PTPRN2: variants seen among roughly 807,000 people sequenced by gnomAD.
The protein encoded by PTPRN2 is protein tyrosine phosphatase receptor type N2.
A neutral mutation model predicts 118.8 loss-of-function variants in PTPRN2; 74 were observed. The ratio of observed to expected loss-of-function variants is 0.62; its 90% CI spans 0.52 to 0.76. The LOEUF is 0.76. Ranked by LOEUF, PTPRN2 falls within the 30% of genes least tolerant of loss-of-function variation. The pLI is 0.00. For missense variants in PTPRN2, 1,481 were observed against 1,394.4 expected, an observed-to-expected ratio of 1.06 and a Z score of -0.99; for synonymous variants, 641 against 608.0, an observed-to-expected ratio of 1.05 and a Z score of -0.80.
Position 157,642,837 on chromosome 7 carries a change from AAAAAAAAG to A in PTPRN2, c.2196+13512_2196+13519del, listed in dbSNP as rs1378106995. Among the ~76,000 whole-genome samples, 67 of 147,512 alleles carry A rather than the reference AAAAAAAAG, an allele frequency of 4.5e-4. No individual in the cohort carries two copies. The East Asian group carries it at 0.011, about 24-fold the overall frequency. ...AGCAAAAAAAAAAAAAAAAAAAAAA[AAAAAAAAG>A]CAGCTAAAACGCAGGGCTGCGGGAC... On this transcript the variant is annotated intron_variant, in intron 14 of 22. Transcript: ENST00000389418.
intron 12 of PTPRN2, among the ~76,000 whole-genome samples, chr7:157,761,990 A>G (rs1056278032): frequency 4.6e-5 from 7 of 152,242 alleles, no homozygotes; most frequent in African/African-American, 1.7e-4. Flanking sequence ...AACACATGAA[A>G]AAAGGCTCAT....
chr7:158,327,346 C>G (rs1486650977), intron 2 of PTPRN2, among the ~76,000 whole-genome samples: 1 of 150,298 alleles, frequency 6.7e-6, no homozygotes, highest in Non-Finnish European at 1.5e-5. Context: ...CTCACACATG[C>G]TCACACATGT....
chr7:158,365,899 G>GCA (rs140043303), intron 2 of PTPRN2, among the ~76,000 whole-genome samples: 2,459 of 108,442 alleles, frequency 0.023, 50 homozygotes, highest in African/African-American at 0.038. Context: ...ATGCACGCGT[G>GCA]CACACACACA....
At chr7:157,559,814 G>T (rs1585031386) in intron 21 of PTPRN2, among the ~76,000 whole-genome samples, 1 of 152,126 alleles carries the variant, frequency 6.6e-6, no homozygotes. Context: ...CAGCTGCCCC[G>T]ACAGGGCTGT....
chr7:157,667,435 C>T (rs1343986318), intron 13 of PTPRN2, among the ~76,000 whole-genome samples: 1 of 152,244 alleles, frequency 6.6e-6, no homozygotes, highest in Admixed American at 6.5e-5. Context: ...TGGGCATCCC[C>T]CTGCCAGTGC....
intron 10 of PTPRN2, among the ~76,000 whole-genome samples, chr7:158,106,195 T>A (rs1563442261): frequency 1.3e-5 from 2 of 151,706 alleles, no homozygotes; most frequent in South Asian, 4.2e-4. Flanking sequence ...CTATCTTAGC[T>A]CTATCCCAGT....
chr7:158,174,478 C>T (rs1207987460), intron 5 of PTPRN2, among the ~76,000 whole-genome samples: 1 of 151,214 alleles, frequency 6.6e-6, no homozygotes, highest in Admixed American at 6.6e-5. Context: ...CAGCTTCCCA[C>T]CATCATCATC....
chr7:158,301,874 C>T (rs1800915234), intron 3 of PTPRN2, among the ~76,000 whole-genome samples: 1 of 152,054 alleles, frequency 6.6e-6, no homozygotes, highest in Non-Finnish European at 1.5e-5. Flanking sequence ...CACTTGAGTC[C>T]AGGAGGCAGA....
intron 12 of PTPRN2, among the ~76,000 whole-genome samples, chr7:157,730,117 C>T (rs1355315119): frequency 6.6e-6 from 1 of 152,100 alleles, no homozygotes; most frequent in Non-Finnish European, 1.5e-5. Flanking sequence ...CAAGTAGGGA[C>T]AGAGCCTGGC....
In PTPRN2 at chr7:158,580,520, C is replaced by T. The variant is rs561968877; in HGVS notation, c.112+7038G>A. On this transcript the variant is annotated intron_variant, in intron 1 of 22. Coordinates refer to ENST00000389418, the MANE Select transcript of PTPRN2 (RefSeq NM_002847.5). ...GAACCACGTGGTGACGGAGCACCCA[C>T]ATCACATGATAGAAAATTCTACACT... 9.3e-4 allele frequency among the ~76,000 whole-genome samples: 141 copies of T among 152,294 alleles called. 1 individual carries two copies. The highest frequency in any genetic ancestry group is 3.2e-3 in the African/African-American group (131 of 41,560).
intron 1 of PTPRN2, among the ~76,000 whole-genome samples, chr7:158,512,464 T>C (rs1324809877): frequency 6.6e-6 from 1 of 152,166 alleles, no homozygotes; most frequent in Non-Finnish European, 1.5e-5. Context: ...GTTAGCTTGG[T>C]ATAGATACAG....
At chr7:158,403,987 A>C (rs1813148978) in intron 2 of PTPRN2, among the ~76,000 whole-genome samples, 1 of 152,266 alleles carries the variant, frequency 6.6e-6, no homozygotes, top group African/African-American at 2.4e-5. Context: ...TCCTTACCAA[A>C]GAAAAGGAAG....
At chr7:158,342,697 C>T (rs1191146871) in intron 2 of PTPRN2, among the ~76,000 whole-genome samples, 1 of 152,180 alleles carries the variant, frequency 6.6e-6, no homozygotes, top group Non-Finnish European at 1.5e-5. Flanking sequence ...GGTCCCCATT[C>T]CATATTCAGA....
At chr7:158,131,389 C>CATCTACCCA (rs1818267830) in intron 9 of PTPRN2, among the ~76,000 whole-genome samples, 1 of 147,856 alleles carries the variant, frequency 6.8e-6, no homozygotes, top group African/African-American at 2.5e-5. Flanking sequence ...CACTCATACA[C>CATCTACCCA]ACACGTATAT....
intron 3 of PTPRN2, among the ~76,000 whole-genome samples, chr7:158,301,128 C>T (rs74411962): frequency 2.0e-5 from 3 of 152,152 alleles, no homozygotes; most frequent in African/African-American, 7.2e-5. Context: ...CAAGTCAAGA[C>T]GGAGATTGTG....
At chr7:157,807,784 C>T (rs73746625) in intron 12 of PTPRN2, among the ~76,000 whole-genome samples, 2,064 of 152,312 alleles carry the variant, frequency 0.014, 41 homozygotes, top group African/African-American at 0.044. Flanking sequence ...CACTCTGGCC[C>T]GGAAGTGGTT....
intron 12 of PTPRN2, among the ~76,000 whole-genome samples, chr7:157,803,900 T>G (rs972073798): frequency 6.6e-6 from 1 of 152,094 alleles, no homozygotes; most frequent in Non-Finnish European, 1.5e-5. Flanking sequence ...TGGCAAAATA[T>G]GTCAACTTTT....
intron 2 of PTPRN2, among the ~76,000 whole-genome samples, chr7:158,336,333 C>A (rs1242064640): frequency 2.1e-5 from 3 of 143,522 alleles, no homozygotes; most frequent in Admixed American, 1.4e-4. Context: ...GAGGTGACAC[C>A]TGCAGACGTC....
intron 2 of PTPRN2, among the ~76,000 whole-genome samples, chr7:158,407,698 G>A (rs968656998): frequency 3.6e-5 from 5 of 140,154 alleles, no homozygotes; most frequent in African/African-American, 5.2e-5. Context: ...TGGGTCCTGC[G>A]TCCTGCATCC....
Sources: allele counts gnomAD v4.1 joint callset (sites outside exome capture counted in the v4.1 genomes callset), GRCh38; gene constraint gnomAD v4.1.1; transcripts MANE v1.5; gene names NCBI Gene and HGNC (gene_info 2026-07-23, HGNC 2026-07-21).